Variants in ARHGAP24 observed in about 807,000 individuals in gnomAD.
ARHGAP24 encodes the protein rho GTPase-activating protein 24.
In ARHGAP24, 50 loss-of-function variants were observed where a neutral mutation model predicts 76.4. That is an observed-to-expected ratio of 0.65 (90% CI 0.52 to 0.83). ARHGAP24 has a LOEUF of 0.83. Ranked by LOEUF, ARHGAP24 falls within the 40% of genes least tolerant of loss-of-function variation. ARHGAP24 has a pLI of 0.00. For synonymous variants in ARHGAP24, 345 were observed against 323.3 expected, an observed-to-expected ratio of 1.07 and a Z score of -0.72; for missense variants, 930 against 914.2, an observed-to-expected ratio of 1.02 and a Z score of -0.22.
At chr4:85,535,803 T>C (rs1389288677) in intron 1 of ARHGAP24, among the ~76,000 whole-genome samples, 1 of 152,200 alleles carries the variant, frequency 6.6e-6, no homozygotes, top group Non-Finnish European at 1.5e-5. Context: ...TCCTAAGTTA[T>C]GGCTTTATTT....
intron 9 of ARHGAP24, among the ~76,000 whole-genome samples, chr4:85,998,002 A>C (rs558591873): frequency 6.6e-6 from 1 of 152,186 alleles, no homozygotes; most frequent in Non-Finnish European, 1.5e-5. Context: ...TGGTCAGAGA[A>C]GTTCATCTGG....
chr4:85,669,305 A>G (rs1163173099), intron 2 of ARHGAP24, among the ~76,000 whole-genome samples: 1 of 152,102 alleles, frequency 6.6e-6, no homozygotes, highest in Non-Finnish European at 1.5e-5. Flanking sequence ...TCTCTACCCT[A>G]TAAGCCTGAT....
chr4:85,797,059 G>A (rs1208681039), intron 3 of ARHGAP24, among the ~76,000 whole-genome samples: 1 of 152,176 alleles, frequency 6.6e-6, no homozygotes, highest in East Asian at 1.9e-4. Context: ...ACAGGCTCTA[G>A]GAAGCAAAAT....
chr4:85,480,656 A>G (rs1374065254), intron 1 of ARHGAP24, among the ~76,000 whole-genome samples: 1 of 152,096 alleles, frequency 6.6e-6, no homozygotes, highest in Non-Finnish European at 1.5e-5. Flanking sequence ...CATTTTTTGT[A>G]GTTCCTTGAA....
At chr4:85,812,778 G>A (rs1002656520) in intron 3 of ARHGAP24, among the ~76,000 whole-genome samples, 4 of 152,128 alleles carry the variant, frequency 2.6e-5, no homozygotes, top group African/African-American at 4.8e-5. Flanking sequence ...CCAATAGAAC[G>A]TCTGATACAA....
At chr4:85,788,532 C>T (rs1727962230) in intron 3 of ARHGAP24, among the ~76,000 whole-genome samples, 1 of 152,158 alleles carries the variant, frequency 6.6e-6, no homozygotes, top group Admixed American at 6.5e-5. Context: ...TAGGTCTTGA[C>T]CATAGAGGTG....
At chr4:85,844,432 T>G (rs963975303) in intron 3 of ARHGAP24, among the ~76,000 whole-genome samples, 1 of 152,244 alleles carries the variant, frequency 6.6e-6, no homozygotes, top group Non-Finnish European at 1.5e-5. Context: ...TAGGCCACTT[T>G]GTGATGATGT....
intron 1 of ARHGAP24, among the ~76,000 whole-genome samples, chr4:85,530,491 T>A (rs1725214652): frequency 6.6e-6 from 1 of 152,022 alleles, no homozygotes; most frequent in Non-Finnish European, 1.5e-5. Flanking sequence ...CTCTACTGTA[T>A]GTTTTTAATA....
intron 2 of ARHGAP24, among the ~76,000 whole-genome samples, chr4:85,606,873 AG>A (rs1489031364): frequency 6.6e-6 from 1 of 152,248 alleles, no homozygotes; most frequent in Non-Finnish European, 1.5e-5. Flanking sequence ...GGCTGGAGCC[AG>A]GGAAGAAAAT....
chr4:85,779,355 T>C (rs941563747), intron 3 of ARHGAP24, among the ~76,000 whole-genome samples: 10 of 152,136 alleles, frequency 6.6e-5, no homozygotes, highest in African/African-American at 2.4e-4. Flanking sequence ...GCTTAATGAA[T>C]CTTCAACTTG....
rs145592746 is a variant in ARHGAP24, at chr4:85,951,348, G to GT, written c.599+9085dup. 7.6e-3 allele frequency among the ~76,000 whole-genome samples: 1,129 copies of GT among 148,766 alleles called. 7 individuals are homozygous for GT. The highest frequency in any genetic ancestry group is 0.014 in the African/African-American group (557 of 40,646). Reference sequence around the variant, plus strand: ...CAAGCAGAGTGTTCTGCCCCTATGTGTTTTTTTTTTAGTTAATTGGCTGTT... The same window carrying GT: ...CAAGCAGAGTGTTCTGCCCCTATGTGTTTTTTTTTTTAGTTAATTGGCTGTT... On this transcript the variant is annotated intron_variant, in intron 5 of 9. Coordinates refer to ENST00000395184, the MANE Select transcript of ARHGAP24 (RefSeq NM_001025616.3).
intron 3 of ARHGAP24, among the ~76,000 whole-genome samples, chr4:85,913,672 G>A (rs1272554867): frequency 2.6e-5 from 4 of 152,068 alleles, no homozygotes; most frequent in Non-Finnish European, 2.9e-5. Context: ...AACAACAGGT[G>A]TTCAATAAAT....
chr4:85,479,798 A>G (rs1422295166), intron 1 of ARHGAP24, among the ~76,000 whole-genome samples: 4 of 152,224 alleles, frequency 2.6e-5, no homozygotes, highest in Non-Finnish European at 5.9e-5. Flanking sequence ...ACTAAAATAC[A>G]TATGGGCTTA....
At chr4:85,887,826 C>T (rs1733649714) in intron 3 of ARHGAP24, among the ~76,000 whole-genome samples, 2 of 152,020 alleles carry the variant, frequency 1.3e-5, no homozygotes, top group South Asian at 4.1e-4. Flanking sequence ...GGTAAGATAC[C>T]TTTATCAAAA....
At chr4:85,607,978 A>G (rs115192430) in intron 2 of ARHGAP24, among the ~76,000 whole-genome samples, 2,243 of 152,042 alleles carry the variant, frequency 0.015, 39 homozygotes, top group Non-Finnish European at 0.016. Context: ...GTGGGTCTGC[A>G]GTTATAAAAC....
intron 1 of ARHGAP24, among the ~76,000 whole-genome samples, chr4:85,532,567 T>C (rs1426161021): frequency 6.6e-6 from 1 of 152,184 alleles, no homozygotes; most frequent in African/African-American, 2.4e-5. Flanking sequence ...CAGAATTTAA[T>C]CTCCCCATTT....
chr4:85,749,191 A>G (rs759316778), intron 3 of ARHGAP24, among the ~76,000 whole-genome samples: 2 of 152,178 alleles, frequency 1.3e-5, no homozygotes, highest in Admixed American at 1.3e-4. Flanking sequence ...TCATTTGCCG[A>G]AGGTAGATTC....
chr4:85,523,386 T>A (rs140148956), intron 1 of ARHGAP24, among the ~76,000 whole-genome samples: 1 of 152,186 alleles, frequency 6.6e-6, no homozygotes, highest in African/African-American at 2.4e-5. Context: ...TCAGAGCACC[T>A]CCTCATTGCC....
At chr4:85,564,420 A>T (rs1296188135) in intron 1 of ARHGAP24, among the ~76,000 whole-genome samples, 1 of 144,350 alleles carries the variant, frequency 6.9e-6, no homozygotes, top group Non-Finnish European at 1.5e-5. Context: ...GGGGGATAGC[A>T]TTAGGAGATA....
Sources: allele counts gnomAD v4.1 joint callset (sites outside exome capture counted in the v4.1 genomes callset), GRCh38; gene constraint gnomAD v4.1.1; transcripts MANE v1.5; gene names NCBI Gene and HGNC (gene_info 2026-07-23, HGNC 2026-07-21).